PALLD: variants seen among roughly 807,000 people sequenced by gnomAD.
PALLD encodes palladin, cytoskeletal associated protein, also known as palladin.
A neutral mutation model predicts 123.5 loss-of-function variants in PALLD; 61 were observed. The observed-to-expected ratio is 0.49, with a 90% CI of 0.40 to 0.61. PALLD has a LOEUF of 0.61. Among genes scored for constraint, PALLD ranks in the 20% least tolerant of loss-of-function variants. The pLI is 0.00. For missense variants in PALLD, 1,273 were observed against 1,377.0 expected (o/e 0.92, Z 1.20); for synonymous variants, 465 against 496.4 (o/e 0.94, Z 0.84).
At chr4:168,897,532 G>A (rs760405040) in intron 13 of PALLD, among the ~76,000 whole-genome samples, 12 of 151,970 alleles carry the variant, frequency 7.9e-5, no homozygotes, top group South Asian at 6.2e-4. Context: ...CTGCAGCCTC[G>A]ACTTCCCAGG....
At chr4:168,537,355 C>T (rs537197747) in intron 2 of PALLD, among the ~76,000 whole-genome samples, 32 of 152,274 alleles carry the variant, frequency 2.1e-4, no homozygotes, top group African/African-American at 7.2e-4. Flanking sequence ...CACAAACATA[C>T]TGCTAAAAAA....
In PALLD at chr4:168,898,568, G is replaced by C. The variant is rs559000839; in HGVS notation, c.2326G>C (p.Glu776Gln). The C allele has an allele frequency of 2.0e-5, 32 of 1,613,772 alleles. No homozygotes were observed. Among genetic ancestry groups the C allele is most frequent in the African/African-American group, 1.3e-5 (1 of 75,034 alleles). Residue 776 changes from glutamate (E) to glutamine (Q), a missense_variant, in exon 14 of 22, where the codon GAA becomes CAA. Glu to Gln is a conservative substitution (Grantham distance 29). Around this residue, in one of 2 missense-constraint regions of PALLD, gnomAD observed 944 missense variants for 954.5 expected, o/e 0.99. Transcript: ENST00000505667. ...EYRLERSPVD[E>Q]SGDEVQYGDV... ...CAGGCTAGAAAGGTCTCCTGTGGAT[G>C]AATCAGGTGATGAAGTTCAGTATGG...
At chr4:168,733,114 G>A (rs1787344476) in intron 10 of PALLD, among the ~76,000 whole-genome samples, 1 of 152,078 alleles carries the variant, frequency 6.6e-6, no homozygotes, top group African/African-American at 2.4e-5. Context: ...CATATATAAT[G>A]TGTAACTATT....
At chr4:168,883,154 A>G (rs1436301218) in intron 10 of PALLD, among the ~76,000 whole-genome samples, 3 of 151,968 alleles carry the variant, frequency 2.0e-5, no homozygotes, top group South Asian at 2.1e-4. Flanking sequence ...CCAAAATATA[A>G]TATGAGGAGA....
intron 10 of PALLD, among the ~76,000 whole-genome samples, chr4:168,889,166 G>GTGTGTGT (rs567772815): frequency 5.1e-5 from 7 of 137,970 alleles, no homozygotes; most frequent in Admixed American, 7.1e-5. Context: ...GTGTGTGTGT[G>GTGTGTGT]GTTTTTTTTT....
At chr4:168,755,659 T>C (rs1731755201) in intron 10 of PALLD, among the ~76,000 whole-genome samples, 1 of 152,186 alleles carries the variant, frequency 6.6e-6, no homozygotes, top group Non-Finnish European at 1.5e-5. Flanking sequence ...AATAGCACAC[T>C]TTGCAGCTGC....
At chr4:168,660,092 C>G (rs1778983078) in intron 2 of PALLD, among the ~76,000 whole-genome samples, 1 of 152,152 alleles carries the variant, frequency 6.6e-6, no homozygotes, top group Non-Finnish European at 1.5e-5. Context: ...TGAGCATTCC[C>G]AGATGTGTAC....
rs1580810947 is a variant in PALLD at position 168,660,176 on chromosome 4, C to T, written c.909-8014C>T. Reference sequence around the variant, plus strand: ...ACAAGAGAAAGATATTAGTAGACCACGTCAGGGAGGTGAATTTTTAAATGT... The same window carrying T: ...ACAAGAGAAAGATATTAGTAGACCATGTCAGGGAGGTGAATTTTTAAATGT... On this transcript the variant is annotated intron_variant, in intron 2 of 21. Transcript: ENST00000505667. Among the ~76,000 whole-genome samples the T allele has an allele frequency of 2.6e-5, 4 of 152,246 alleles. No individual in the cohort carries two copies. In the South Asian group the frequency reaches 8.3e-4, roughly 32 times the overall value.
chr4:168,827,200 G>T (rs1480446728), intron 10 of PALLD, among the ~76,000 whole-genome samples: 1 of 152,134 alleles, frequency 6.6e-6, no homozygotes, highest in Non-Finnish European at 1.5e-5. Flanking sequence ...AAACCAAAGA[G>T]CCATAAAGTT....
chr4:168,800,907 T>C (rs1739231177), intron 10 of PALLD, among the ~76,000 whole-genome samples: 1 of 152,146 alleles, frequency 6.6e-6, no homozygotes, highest in Non-Finnish European at 1.5e-5. Flanking sequence ...GGTAGAGTAA[T>C]TCAATTAAAT....
chr4:168,755,160 G>A (rs1442969170), intron 10 of PALLD, among the ~76,000 whole-genome samples: 1 of 151,770 alleles, frequency 6.6e-6, no homozygotes, highest in Non-Finnish European at 1.5e-5. Flanking sequence ...ATGAGCCTGG[G>A]AGGCGGAGCT....
At chr4:168,808,881 G>A (rs187466300) in intron 10 of PALLD, among the ~76,000 whole-genome samples, 216 of 152,252 alleles carry the variant, frequency 1.4e-3, no homozygotes, top group African/African-American at 4.8e-3. Flanking sequence ...GGGAATTATG[G>A]GAGTACAGTT....
At chr4:168,597,129 A>G (rs1357923865) in intron 2 of PALLD, among the ~76,000 whole-genome samples, 1 of 152,116 alleles carries the variant, frequency 6.6e-6, no homozygotes, top group Admixed American at 6.6e-5. Flanking sequence ...TTTAAAGACA[A>G]CTCTGGCAAA....
At chr4:168,670,991 C>T (rs969151933) in intron 3 of PALLD, among the ~76,000 whole-genome samples, 7 of 147,934 alleles carry the variant, frequency 4.7e-5, no homozygotes, top group African/African-American at 1.7e-4. Flanking sequence ...GCACTCCAGC[C>T]TGGGCAACAG....
chr4:168,620,765 A>G (rs1262308219), intron 2 of PALLD, among the ~76,000 whole-genome samples: 1 of 152,208 alleles, frequency 6.6e-6, no homozygotes, highest in African/African-American at 2.4e-5. Flanking sequence ...TCAGATGCAG[A>G]CCCTCACCAA....
chr4:168,567,156 A>C (rs963647485), intron 2 of PALLD, among the ~76,000 whole-genome samples: 2 of 152,196 alleles, frequency 1.3e-5, no homozygotes, highest in Non-Finnish European at 2.9e-5. Flanking sequence ...TTTTTATAAA[A>C]ACAAAAATAG....
At chr4:168,581,952 C>A (rs962895402) in intron 2 of PALLD, among the ~76,000 whole-genome samples, 2 of 151,998 alleles carry the variant, frequency 1.3e-5, no homozygotes, top group African/African-American at 4.8e-5. Context: ...AGGTAAGGGT[C>A]TACTTTCCTT....
intron 10 of PALLD, among the ~76,000 whole-genome samples, chr4:168,830,350 C>T (rs565485885): frequency 3.8e-4 from 54 of 140,712 alleles, no homozygotes; most frequent in African/African-American, 1.2e-3. Flanking sequence ...CATAGCGAGA[C>T]GTTGTCTTGA....
chr4:168,771,092 G>A lies in PALLD; in HGVS notation c.1964+59169G>A, dbSNP rs1387894898. Among the ~76,000 whole-genome samples, 3 of 149,286 alleles carry A rather than the reference G, an allele frequency of 2.0e-5. No individual in the cohort carries two copies. The East Asian group carries it at 5.9e-4, about 29-fold the overall frequency. On this transcript the variant is annotated intron_variant, in intron 10 of 21. Coordinates refer to ENST00000505667, the MANE Select transcript of PALLD (RefSeq NM_001166108.2). ...AAAAAAAAACAAAAAAAAAACCTTA[G>A]TTTCTGAAACCCATAATGCAAATAC...
Sources: gnomAD v4.1 joint callset for allele counts (sites outside exome capture counted in the v4.1 genomes callset) on GRCh38, gnomAD v4.1.1 for gene constraint, gnomAD v4.1.1 regional missense constraint, MANE v1.5 for transcripts, NCBI Gene and HGNC (gene_info 2026-07-23, HGNC 2026-07-21) for gene names.